The following MYH15 variants were observed in gnomAD, a reference collection of about 807,000 sequenced individuals.
MYH15 encodes myosin-15.
In MYH15, 227 loss-of-function variants were observed where a neutral mutation model predicts 240.5. That is an observed-to-expected ratio of 0.94 (90% CI 0.85 to 1.05). MYH15 has a LOEUF of 1.05. MYH15 is among the 50% of genes least tolerant of loss of function. The probability of loss-of-function intolerance (pLI) is 0.00; values close to 1 mark genes in which losing one functional copy is unlikely to be tolerated. For synonymous variants in MYH15, 785 were observed against 796.7 expected, an observed-to-expected ratio of 0.99 and a Z score of 0.25; for missense variants, 2,217 against 2,247.5, an observed-to-expected ratio of 0.99 and a Z score of 0.27.
intron 11 of MYH15, among the ~76,000 whole-genome samples, chr3:108,481,436 C>A (rs2083266970): frequency 6.6e-6 from 1 of 151,922 alleles, no homozygotes; most frequent in South Asian, 2.1e-4. Flanking sequence ...GGGGTGGAGG[C>A]TAGGACATTC....
the MYH15 span, among the ~76,000 whole-genome samples, chr3:108,541,649 T>G: frequency 6.6e-6 from 1 of 152,076 alleles, no homozygotes; most frequent in Non-Finnish European, 1.5e-5. Context: ...ATATCGCTAG[T>G]GGGTTATTTG....
intron 38 of MYH15, among the ~76,000 whole-genome samples, chr3:108,385,436 A>G (rs2082375585): frequency 2.6e-5 from 4 of 152,186 alleles, no homozygotes; most frequent in Admixed American, 2.0e-4. Context: ...CATTGCCTCA[A>G]TTACAATCCA....
At chr3:108,413,246 A>C (rs959968361) in intron 30 of MYH15, among the ~76,000 whole-genome samples, 1 of 152,248 alleles carries the variant, frequency 6.6e-6, no homozygotes, top group African/African-American at 2.4e-5. Flanking sequence ...CAGAGTTTTG[A>C]TAAAACATCT....
intron 37 of MYH15, among the ~76,000 whole-genome samples, chr3:108,390,130 T>TA (rs2082413136): frequency 6.6e-6 from 1 of 152,158 alleles, no homozygotes; most frequent in Non-Finnish European, 1.5e-5. Flanking sequence ...CTCTACTTTT[T>TA]TTAAGCACTC....
At chr3:108,393,279 A>C (rs1231308218) in intron 36 of MYH15, among the ~76,000 whole-genome samples, 1 of 152,178 alleles carries the variant, frequency 6.6e-6, no homozygotes, top group Non-Finnish European at 1.5e-5. Context: ...GCAGAGACAG[A>C]AACCAACCCC....
intron 9 of MYH15, among the ~76,000 whole-genome samples, 157 bp downstream of exon 9, chr3:108,492,343 T>C (rs2083356322): frequency 6.6e-6 from 1 of 152,178 alleles, no homozygotes. Context: ...TATACAACAC[T>C]AGTTCTATAA....
At chr3:108,391,484 C>CT (rs1169919150) in intron 37 of MYH15, among the ~76,000 whole-genome samples, 10 of 152,080 alleles carry the variant, frequency 6.6e-5, no homozygotes, top group Admixed American at 5.9e-4. Context: ...GAGTGAGAGC[C>CT]TGGAGCTGGT....
At chr3:108,509,013 G>T (rs543093509) in intron 1 of MYH15, among the ~76,000 whole-genome samples, 1 of 152,278 alleles carries the variant, frequency 6.6e-6, no homozygotes, top group South Asian at 2.1e-4. Flanking sequence ...GCTCAATAAA[G>T]TGAAGTGATT....
At chr3:108,416,180 A>G (rs902281792) in intron 29 of MYH15, among the ~76,000 whole-genome samples, 5 of 152,226 alleles carry the variant, frequency 3.3e-5, no homozygotes, top group African/African-American at 1.2e-4. Context: ...ATGGTACAAT[A>G]TTTTAAAACA....
At chr3:108,476,931 T>C (rs538717098) in intron 11 of MYH15, among the ~76,000 whole-genome samples, 3 of 152,228 alleles carry the variant, frequency 2.0e-5, no homozygotes, top group African/African-American at 4.8e-5. Flanking sequence ...CTGAAGTTAA[T>C]CATAGAGTTA....
chr3:108,549,303 G>GA, the MYH15 span, among the ~76,000 whole-genome samples: 6 of 146,904 alleles, frequency 4.1e-5, no homozygotes, highest in South Asian at 2.1e-4. Flanking sequence ...AGTCCAACAA[G>GA]AAAAAAAAAG....
At chr3:108,468,796 C>T (rs577540230) in intron 14 of MYH15, among the ~76,000 whole-genome samples, 3 of 152,168 alleles carry the variant, frequency 2.0e-5, no homozygotes, top group Admixed American at 6.5e-5. Context: ...CTATGTCCCA[C>T]GTTCCTGCCT....
Position 108,423,840 on chromosome 3 carries a change from T to C in MYH15, c.3703-2626A>G, listed in dbSNP as rs1397716793. On this transcript the variant is annotated intron_variant, in intron 27 of 40. Transcript: ENST00000693548. ...ATATTAGATTTCTAAACATCTGTTG[T>C]ATGAAGTGGTGATAAAGGAAATATT... 2.6e-5 allele frequency among the ~76,000 whole-genome samples: 4 copies of C among 152,252 alleles called. No individual in the cohort carries two copies. The South Asian group carries it at 6.2e-4, about 24-fold the overall frequency.
rs115324758 is a variant in MYH15 at position 108,409,514 on chromosome 3, G to A, written c.4495+1069C>T. Among the ~76,000 whole-genome samples the A allele has an allele frequency of 4.1e-3, 629 of 152,322 alleles. 7 individuals are homozygous for A. Among genetic ancestry groups the A allele is most frequent in the African/African-American group, 0.013 (558 of 41,564 alleles). On this transcript the variant is annotated intron_variant, in intron 31 of 40. Coordinates refer to ENST00000693548, the MANE Select transcript of MYH15 (RefSeq NM_014981.3). ...AACAAGCCCTCCAGCTGGTTTGGAC[G>A]TAGCTAAAGTTTTCTAACCACTGTT...
chr3:108,501,637 A>G, intron 3 of MYH15, 75 bp downstream of exon 3: 12 of 1,575,422 alleles, frequency 7.6e-6, no homozygotes, highest in Non-Finnish European at 9.6e-6. Flanking sequence ...TCAATGTAAG[A>G]GATCACCCAG....
At chr3:108,430,031 T>C (rs1201560024) in intron 26 of MYH15, among the ~76,000 whole-genome samples, 1 of 152,202 alleles carries the variant, frequency 6.6e-6, no homozygotes, top group African/African-American at 2.4e-5. Flanking sequence ...TTTTTTACTT[T>C]ATTTTGGATA....
chr3:108,387,941 AT>A (rs1289862814), intron 38 of MYH15, among the ~76,000 whole-genome samples: 9 of 152,248 alleles, frequency 5.9e-5, no homozygotes, highest in Admixed American at 5.2e-4. Context: ...AGACTTTGAC[AT>A]CTTTAACAAC....
chr3:108,543,258 G>A, the MYH15 span: 13 of 152,314 alleles, frequency 8.5e-5, no homozygotes, highest in Admixed American at 2.6e-4. Flanking sequence ...TATTATTGAT[G>A]AGCATTTGAG....
intron 25 of MYH15, among the ~76,000 whole-genome samples, chr3:108,436,342 T>C (rs1348142113): frequency 6.6e-6 from 1 of 152,190 alleles, no homozygotes; most frequent in Non-Finnish European, 1.5e-5. Context: ...TTCCATTCCA[T>C]TCATAAGGTC....
Sources: allele counts gnomAD v4.1 joint callset (sites outside exome capture counted in the v4.1 genomes callset), GRCh38; gene constraint gnomAD v4.1.1; transcripts MANE v1.5; gene names NCBI Gene and HGNC (gene_info 2026-07-23, HGNC 2026-07-21).